The following CLSTN2 variants were observed in gnomAD, a reference collection of about 807,000 sequenced individuals.
The protein encoded by CLSTN2 is calsyntenin-2.
Under a neutral mutation model 101.2 loss-of-function variants are expected in CLSTN2, and 48 were observed. The ratio of observed to expected loss-of-function variants is 0.47; its 90% CI spans 0.38 to 0.60. CLSTN2 has a LOEUF of 0.60. CLSTN2 is among the 20% of genes least tolerant of loss of function. The pLI is 0.00. For missense variants in CLSTN2, 1,160 were observed against 1,238.2 expected (o/e 0.94, Z 0.95); for synonymous variants, 481 against 463.6 (o/e 1.04, Z -0.48).
intron 9 of CLSTN2, among the ~76,000 whole-genome samples, chr3:140,544,289 G>A (rs1006451248): frequency 6.6e-6 from 1 of 152,212 alleles, no homozygotes; most frequent in African/African-American, 2.4e-5. Context: ...TAATGCATGA[G>A]TGATACCTGC....
At chr3:140,532,598 A>T in intron 9 of CLSTN2, 112 bp downstream of exon 9, 2 of 806,842 alleles carry the variant, frequency 2.5e-6, no homozygotes, top group Non-Finnish European at 3.6e-6. Context: ...AAAAATTACT[A>T]CCCCTTACAA....
At chr3:140,339,066 G>A (rs1358980270) in intron 2 of CLSTN2, among the ~76,000 whole-genome samples, 3 of 152,160 alleles carry the variant, frequency 2.0e-5, no homozygotes, top group African/African-American at 4.8e-5. Context: ...GCTGGCAGAC[G>A]TGACCCACAG....
intron 1 of CLSTN2, among the ~76,000 whole-genome samples, chr3:140,049,934 C>G (rs1341950577): frequency 2.0e-5 from 3 of 152,212 alleles, no homozygotes; most frequent in Non-Finnish European, 4.4e-5. Context: ...CTGACCTCTA[C>G]CGACTTGCTT....
At chr3:140,401,190 C>T (rs375056942) in intron 2 of CLSTN2, among the ~76,000 whole-genome samples, 2 of 152,336 alleles carry the variant, frequency 1.3e-5, no homozygotes, top group East Asian at 3.9e-4. Context: ...GCAACCAGAA[C>T]CCAAGTGTCA....
rs1387918319 is a variant in CLSTN2 at position 140,459,573 on chromosome 3, C to G, written c.1026C>G (p.Asn342Lys). ...TGCCATCCCCTAGCGCTGCCACCAA[C>G]TGGACTGCAGGACTGCTGGTGGACA... ...DLLPSPSAAT[N>K]WTAGLLVDSS... Residue 342 changes from asparagine to lysine, a missense_variant, in exon 7 of 17, where the codon AAC becomes AAG. Physicochemically the swap from Asn to Lys is moderately conservative, Grantham distance 94. Coordinates refer to ENST00000458420, the MANE Select transcript of CLSTN2 (RefSeq NM_022131.3). 17 of 1,614,050 alleles carry G rather than the reference C, an allele frequency of 1.1e-5. No homozygotes were observed. The highest frequency in any genetic ancestry group is 1.3e-5 in the Non-Finnish European group (15 of 1,180,020).
At chr3:140,191,171 A>G (rs1446614800) in intron 2 of CLSTN2, among the ~76,000 whole-genome samples, 1 of 152,072 alleles carries the variant, frequency 6.6e-6, no homozygotes, top group Non-Finnish European at 1.5e-5. Flanking sequence ...GCATTCATCA[A>G]TATGAATATG....
chr3:140,007,899 G>A (rs2006990067), intron 1 of CLSTN2, among the ~76,000 whole-genome samples: 1 of 152,166 alleles, frequency 6.6e-6, no homozygotes, highest in Admixed American at 6.5e-5. Flanking sequence ...CAATCTAAGG[G>A]ATTTCCTGGA....
chr3:139,973,789 C>T (rs2107820163), intron 1 of CLSTN2, among the ~76,000 whole-genome samples: 1 of 152,208 alleles, frequency 6.6e-6, no homozygotes, highest in Non-Finnish European at 1.5e-5. Flanking sequence ...CAGATGTGTG[C>T]CACCATGCCC....
intron 1 of CLSTN2, among the ~76,000 whole-genome samples, chr3:140,011,353 C>T (rs1321975148): frequency 1.3e-5 from 2 of 152,172 alleles, no homozygotes; most frequent in Non-Finnish European, 2.9e-5. Context: ...GAGCCAGCAG[C>T]AAAGGGTAGG....
intron 9 of CLSTN2, among the ~76,000 whole-genome samples, chr3:140,536,276 A>G (rs1364798041): frequency 6.6e-6 from 1 of 152,004 alleles, no homozygotes; most frequent in East Asian, 1.9e-4. Context: ...ACTAGATGCT[A>G]GGCACATCTA....
intron 2 of CLSTN2, among the ~76,000 whole-genome samples, chr3:140,235,066 A>G (rs190733149): frequency 3.0e-4 from 46 of 152,262 alleles, no homozygotes; most frequent in African/African-American, 1.0e-3. Context: ...CTGAGCCTCT[A>G]TGTCCTCAAC....
At chr3:140,454,010 C>A (rs890817342) in intron 6 of CLSTN2, among the ~76,000 whole-genome samples, 2 of 152,206 alleles carry the variant, frequency 1.3e-5, no homozygotes, top group Non-Finnish European at 2.9e-5. Context: ...CAGTGTCAGT[C>A]TACTAGTCAT....
chr3:140,377,022 C>CACAGAGAGAG (rs148236356), intron 2 of CLSTN2, among the ~76,000 whole-genome samples: 5,109 of 148,770 alleles, frequency 0.034, 114 homozygotes, highest in Middle Eastern at 0.045. Context: ...CACACATACA[C>CACAGAGAGAG]AGAGAGAGAG....
chr3:140,109,519 G>T (rs534278330), intron 1 of CLSTN2, among the ~76,000 whole-genome samples: 1 of 152,168 alleles, frequency 6.6e-6, no homozygotes, highest in African/African-American at 2.4e-5. Context: ...TGGAGGCCAG[G>T]AATGGATACA....
At chr3:140,357,586 A>G (rs970399485) in intron 2 of CLSTN2, among the ~76,000 whole-genome samples, 1 of 152,080 alleles carries the variant, frequency 6.6e-6, no homozygotes, top group Non-Finnish European at 1.5e-5. Context: ...TTGACCCAAG[A>G]TGGTCCCTTT....
Position 140,562,209 on chromosome 3 carries a change from G to C in CLSTN2, c.2113G>C (p.Asp705His), listed in dbSNP as rs534551433. ...CTGTGACATTTTGGTGATCGGAGGG[G>C]ACTTGGACCCAAGGCAGGAGTGCTT... ...DFCDILVIGG[D>H]LDPRQECLEL... Residue 705 changes from aspartate (D) to histidine (H), a missense_variant, in exon 13 of 17, where the codon GAC (aspartate) becomes CAC (histidine). Coordinates refer to ENST00000458420, the MANE Select transcript of CLSTN2 (RefSeq NM_022131.3). The C allele has an allele frequency of 3.1e-6, 5 of 1,613,980 alleles. No homozygotes were observed. Among genetic ancestry groups the C allele is most frequent in the African/African-American group, 1.3e-5 (1 of 74,918 alleles).
At chr3:140,438,447 A>AAAAAAAAAAAAAAAAAAAAAAAC (rs2088710388) in intron 5 of CLSTN2, among the ~76,000 whole-genome samples, 1 of 150,096 alleles carries the variant, frequency 6.7e-6, no homozygotes, top group African/African-American at 2.5e-5. Flanking sequence ...AAAAAAAAAA[A>AAAAAAAAAAAAAAAAAAAAAAAC]AAAAAAGCTT....
At chr3:140,441,233 ACT>A (rs2088759706) in intron 5 of CLSTN2, among the ~76,000 whole-genome samples, 1 of 151,910 alleles carries the variant, frequency 6.6e-6, no homozygotes, top group Non-Finnish European at 1.5e-5. Flanking sequence ...TAAGTGACCC[ACT>A]CTCTCCCCAG....
intron 2 of CLSTN2, among the ~76,000 whole-genome samples, chr3:140,321,395 C>G (rs932896855): frequency 6.6e-6 from 1 of 152,144 alleles, no homozygotes; most frequent in Non-Finnish European, 1.5e-5. Context: ...ATGTGTCCCT[C>G]AGCCCCTTGG....
Sources: allele counts gnomAD v4.1 joint callset (sites outside exome capture counted in the v4.1 genomes callset), GRCh38; gene constraint gnomAD v4.1.1; transcripts MANE v1.5; gene names NCBI Gene and HGNC (gene_info 2026-07-23, HGNC 2026-07-21).